ARAP2: variants seen among roughly 807,000 people sequenced by gnomAD.
The protein encoded by ARAP2 is ArfGAP with RhoGAP domain, ankyrin repeat and PH domain 2, also known as arf-GAP with Rho-GAP domain, ANK repeat and PH domain-containing protein 2.
In ARAP2, 148 loss-of-function variants were observed where a neutral mutation model predicts 194.5. The observed-to-expected ratio is 0.76, with a 90% CI of 0.67 to 0.87. The LOEUF is 0.87. Ranked by LOEUF, ARAP2 falls within the 40% of genes least tolerant of loss-of-function variation. The pLI is 0.00. For missense variants in ARAP2, 2,128 were observed against 1,989.7 expected, an observed-to-expected ratio of 1.07 and a Z score of -1.32; for synonymous variants, 695 against 683.5, an observed-to-expected ratio of 1.02 and a Z score of -0.26.
intron 6 of ARAP2, among the ~76,000 whole-genome samples, chr4:36,197,945 G>A (rs890737559): frequency 2.9e-4 from 8 of 27,786 alleles, no homozygotes; most frequent in Non-Finnish European, 4.5e-4. Flanking sequence ...CCGAAGGGCC[G>A]CAGCTCTTCT....
rs56036791 is a variant in ARAP2 at position 36,092,970 on chromosome 4, G to T, written c.4286-950C>A. 5.5e-3 allele frequency among the ~76,000 whole-genome samples: 834 copies of T among 152,220 alleles called. 9 individuals carry two copies. The highest frequency in any genetic ancestry group is 0.019 in the African/African-American group (787 of 41,536). ...TAAGGTAGAACATTTACCCATCAAT[G>T]ATAGACTGAATAAAGAAAATACGGT... On this transcript the variant is annotated intron_variant, in intron 27 of 32. Coordinates refer to ENST00000303965, the MANE Select transcript of ARAP2 (RefSeq NM_015230.4).
chr4:36,144,365 T>C (rs992223617), intron 19 of ARAP2, among the ~76,000 whole-genome samples: 1 of 151,880 alleles, frequency 6.6e-6, no homozygotes, highest in Admixed American at 6.6e-5. Flanking sequence ...TAATAAATGA[T>C]TGTAAAACTG....
intron 16 of ARAP2, among the ~76,000 whole-genome samples, chr4:36,150,328 G>C (rs1265063434): frequency 6.6e-6 from 1 of 151,924 alleles, no homozygotes; most frequent in African/African-American, 2.4e-5. Flanking sequence ...GACTATAATG[G>C]TCATAAGTGA....
intron 27 of ARAP2, among the ~76,000 whole-genome samples, chr4:36,093,931 A>G (rs1400920060): frequency 6.6e-6 from 1 of 152,200 alleles, no homozygotes; most frequent in East Asian, 1.9e-4. Flanking sequence ...CAGAGAAGAA[A>G]CTGAGGAATT....
chr4:36,202,224 AT>A (rs1744508958), intron 6 of ARAP2, among the ~76,000 whole-genome samples: 1 of 152,074 alleles, frequency 6.6e-6, no homozygotes, highest in Admixed American at 6.6e-5. Context: ...TATTTATCCA[AT>A]TATTCTTTTA....
chr4:36,121,984 A>G (rs912885302), intron 22 of ARAP2, among the ~76,000 whole-genome samples: 4 of 151,866 alleles, frequency 2.6e-5, no homozygotes, highest in African/African-American at 9.6e-5. Flanking sequence ...AGGCTATAAC[A>G]CTGGGGTCTT....
intron 9 of ARAP2, among the ~76,000 whole-genome samples, chr4:36,170,816 A>G (rs1291455573): frequency 1.3e-5 from 2 of 152,202 alleles, no homozygotes; most frequent in Admixed American, 1.3e-4. Flanking sequence ...GTGCTTAGTA[A>G]GTATCTAGTT....
At position 36,117,216 on chromosome 4, in the gene ARAP2, C is replaced by T. The variant is rs185079932; in HGVS notation, c.3964-81G>A. On this transcript the variant is annotated intron_variant, in intron 24 of 32. Transcript: ENST00000303965. ...TTTGAAACTGAAGACAGCTATAAAGCCCCAGTCATATTTCTGAATATTTTA... is the reference window on the plus strand; with the variant it reads ...TTTGAAACTGAAGACAGCTATAAAGTCCCAGTCATATTTCTGAATATTTTA... 4.3e-6 allele frequency: 4 copies of T among 939,534 alleles called. No individual in the cohort carries two copies. The East Asian group carries it at 8.9e-5, about 21-fold the overall frequency. 58.2% of individuals were successfully genotyped at this position (939,534 alleles called of 1,614,324 possible). A position where few individuals can be genotyped will look rare whatever the true frequency, so the allele number is the denominator to read the frequency against.
At chr4:36,168,729 G>A (rs1735876968) in intron 9 of ARAP2, among the ~76,000 whole-genome samples, 1 of 152,084 alleles carries the variant, frequency 6.6e-6, no homozygotes, top group Non-Finnish European at 1.5e-5. Context: ...ACTGTACTAG[G>A]AGAAACTAGC....
At chr4:36,025,492 G>A (rs1577574437) in intron 5 of ARAP2, among the ~76,000 whole-genome samples, 1 of 152,004 alleles carries the variant, frequency 6.6e-6, no homozygotes, top group African/African-American at 2.4e-5. Context: ...ATTATTTTTT[G>A]TTTTGTTAAA....
chr4:36,100,814 A>T (rs1229632762), intron 27 of ARAP2, among the ~76,000 whole-genome samples: 1 of 151,896 alleles, frequency 6.6e-6, no homozygotes, highest in Non-Finnish European at 1.5e-5. Context: ...ATGGGGGAGC[A>T]TCTTTTTAAG....
Position 36,067,301 on chromosome 4 carries a change from G to A in ARAP2, c.*606C>T, listed in dbSNP as rs1007496738. On this transcript the variant is annotated 3_prime_UTR_variant, in exon 33 of 33. Transcript: ENST00000303965. ...TTAACAAGTGGTTTCTCATTGACAA[G>A]TTCTGGTCATTAGTGAACTAGAATG... The A allele has an allele frequency of 1.6e-4, 25 of 152,652 alleles. No homozygotes were observed. Among genetic ancestry groups the A allele is most frequent in the African/African-American group, 5.3e-4 (22 of 41,454 alleles). 9.5% of individuals were successfully genotyped at this position (152,652 alleles called of 1,614,324 possible).
intron 8 of ARAP2, among the ~76,000 whole-genome samples, chr4:36,179,056 G>T (rs978007051): frequency 6.6e-6 from 1 of 152,128 alleles, no homozygotes; most frequent in African/African-American, 2.4e-5. Context: ...CGAAAAAAAT[G>T]GGAAATATGA....
chr4:36,082,213 A>T lies in ARAP2; in HGVS notation c.4544+38T>A, dbSNP rs367968580. The T allele has an allele frequency of 2.3e-5, 36 of 1,576,586 alleles. No individual in the cohort carries two copies. In the African/African-American group the frequency reaches 4.7e-4, roughly 21 times the overall value. On this transcript the variant is annotated intron_variant, in intron 30 of 32. Transcript: ENST00000303965. ...TTATTCTTTTCCTGAAATTGTCACC[A>T]ATATATTATGTCCAAAAGTTGTCAG...
intron 2 of ARAP2, among the ~76,000 whole-genome samples, chr4:36,223,141 A>G (rs754763035): frequency 2.6e-5 from 4 of 152,146 alleles, no homozygotes; most frequent in Non-Finnish European, 4.4e-5. Flanking sequence ...GAAATAAAGC[A>G]TGTATATTTA....
intron 31 of ARAP2, among the ~76,000 whole-genome samples, 160 bp downstream of exon 31, chr4:36,080,056 A>G (rs1251859200): frequency 6.6e-6 from 1 of 152,210 alleles, no homozygotes; most frequent in African/African-American, 2.4e-5. Flanking sequence ...GAACTTTAAT[A>G]TACTATTTTA....
chr4:36,014,330 GAA>G lies in ARAP2; in HGVS notation n.1056+1054_1056+1055del, dbSNP rs1715331563. 1.5e-3 allele frequency among the ~76,000 whole-genome samples: 87 copies of G among 59,538 alleles called. 4 individuals carry two copies. The highest frequency in any genetic ancestry group is 4.7e-3 in the African/African-American group (82 of 17,600). 39.1% of individuals were successfully genotyped at this position (59,538 alleles called of 152,430 possible). ...GGAAGGAAAGAAAGAAAGAGAGAAA[GAA>G]AGAAAGAAAGAAAGAAAGAAAGAAA... On this transcript the variant is annotated intron_variant and non_coding_transcript_variant, in intron 8 of 12. Transcript: ENST00000503225.
chr4:36,160,570 T>C lies in ARAP2; in HGVS notation c.2331A>G (p.Leu777=). The C allele has an allele frequency of 6.4e-7, 1 of 1,551,340 alleles. No individual in the cohort carries two copies. The highest frequency in any genetic ancestry group is 1.3e-5 in the South Asian group (1 of 78,670). The change falls in exon 13 of 33, where the codon TTA becomes TTG. Residue 777 remains leucine, a synonymous_variant. Coordinates refer to ENST00000303965, the MANE Select transcript of ARAP2 (RefSeq NM_015230.4). ...TCTTTTCTACTGGTGAGTCCATATGTAATTCTTCATCCTTTTGAAGATTAC... is the reference window on the plus strand; with the variant it reads ...TCTTTTCTACTGGTGAGTCCATATGCAATTCTTCATCCTTTTGAAGATTAC... ...WAGNLQKDEE[L]HMDSPVEKRK...
intron 6 of ARAP2, among the ~76,000 whole-genome samples, chr4:36,208,122 G>A (rs1168658925): frequency 6.6e-6 from 1 of 152,162 alleles, no homozygotes; most frequent in African/African-American, 2.4e-5. Flanking sequence ...AGTAATTAAG[G>A]GAGTGATGGG....
Sources: allele counts gnomAD v4.1 joint callset (sites outside exome capture counted in the v4.1 genomes callset), GRCh38; gene constraint gnomAD v4.1.1; transcripts MANE v1.5; gene names NCBI Gene and HGNC (gene_info 2026-07-23, HGNC 2026-07-21).